CACNA2D1: variants seen among roughly 807,000 people sequenced by gnomAD.
CACNA2D1 encodes the protein voltage-dependent calcium channel subunit alpha-2/delta-1.
Under a neutral mutation model 171.5 loss-of-function variants are expected in CACNA2D1, and 53 were observed. The ratio of observed to expected loss-of-function variants is 0.31; its 90% CI spans 0.25 to 0.39. CACNA2D1 has a LOEUF of 0.39. Ranked by LOEUF, CACNA2D1 falls within the 10% of genes least tolerant of loss-of-function variation. CACNA2D1 has a pLI of 1.00. For missense variants in CACNA2D1, 903 were observed against 1,299.8 expected (o/e 0.69, Z 4.69); for synonymous variants, 442 against 443.1 (o/e 1.00, Z 0.03).
chr7:81,953,424 T>TAACA (rs753987459), intron 38 of CACNA2D1, among the ~76,000 whole-genome samples: 8 of 152,124 alleles, frequency 5.3e-5, no homozygotes, highest in Non-Finnish European at 8.8e-5. Flanking sequence ...TCTGCTTCAG[T>TAACA]AACACTGGCT....
intron 6 of CACNA2D1, among the ~76,000 whole-genome samples, chr7:82,089,231 A>G (rs1005134342): frequency 1.3e-5 from 2 of 152,144 alleles, no homozygotes; most frequent in South Asian, 2.1e-4. Context: ...TTAGAAGTAC[A>G]TGAGTGTTCA....
intron 6 of CACNA2D1, among the ~76,000 whole-genome samples, chr7:82,090,276 AG>A (rs1810996614): frequency 6.6e-6 from 1 of 152,122 alleles, no homozygotes; most frequent in South Asian, 2.1e-4. Context: ...TTTCTAATAA[AG>A]CAGATTTATG....
chr7:82,289,846 A>C (rs973794313), intron 3 of CACNA2D1, among the ~76,000 whole-genome samples: 5 of 152,252 alleles, frequency 3.3e-5, no homozygotes, highest in African/African-American at 1.2e-4. Context: ...TGTTGAATGA[A>C]TAACCTTATC....
At chr7:82,189,572 T>C in intron 3 of CACNA2D1, among the ~76,000 whole-genome samples, 1 of 151,812 alleles carries the variant, frequency 6.6e-6, no homozygotes. Context: ...TACTAGAAAA[T>C]GAAAAATTTT....
At chr7:82,202,328 G>A (rs1446801896) in intron 3 of CACNA2D1, among the ~76,000 whole-genome samples, 9 of 152,112 alleles carry the variant, frequency 5.9e-5, no homozygotes. Context: ...ACTCCCCTCG[G>A]TCCTCAGCTT....
rs907830805 is a variant in CACNA2D1, at chr7:81,964,821, G to C, written c.2575-462C>G. Among the ~76,000 whole-genome samples the C allele has an allele frequency of 9.2e-5, 14 of 151,914 alleles. 1 individual carries two copies. In the South Asian group the frequency reaches 2.9e-3, roughly 31 times the overall value. ...AGTCTTCTTACCATACCGCAAAAAA[G>C]GTTAACAACCTGAGATGATGGATAT... is the stretch of plus-strand genomic sequence containing the variant. On this transcript the variant is annotated intron_variant, in intron 32 of 38. Coordinates refer to ENST00000356860, the MANE Select transcript of CACNA2D1 (RefSeq NM_000722.4).
chr7:82,232,201 A>G (rs767539539), intron 3 of CACNA2D1, among the ~76,000 whole-genome samples: 41 of 152,202 alleles, frequency 2.7e-4, no homozygotes, highest in Non-Finnish European at 5.4e-4. Flanking sequence ...TTACAAATTT[A>G]AATAGTCAGA....
chr7:82,359,548 A>G (rs1382602777), intron 1 of CACNA2D1, among the ~76,000 whole-genome samples: 1 of 152,122 alleles, frequency 6.6e-6, no homozygotes, highest in African/African-American at 2.4e-5. Flanking sequence ...CTCTTTAAAT[A>G]CGTTTTCTTT....
chr7:82,081,405 C>T (rs1223071896), intron 7 of CACNA2D1, among the ~76,000 whole-genome samples: 13 of 152,168 alleles, frequency 8.5e-5, no homozygotes, highest in Admixed American at 7.9e-4. Flanking sequence ...GACATTGTCT[C>T]AATGTCTTTA....
intron 5 of CACNA2D1, among the ~76,000 whole-genome samples, 165 bp downstream of exon 5, chr7:82,136,470 T>TA (rs1344217296): frequency 1.3e-5 from 2 of 151,932 alleles, no homozygotes; most frequent in Non-Finnish European, 2.9e-5. Context: ...AATAAGTTGT[T>TA]AAAAATCACA....
At chr7:82,217,830 T>A (rs1351303679) in intron 3 of CACNA2D1, among the ~76,000 whole-genome samples, 1 of 151,782 alleles carries the variant, frequency 6.6e-6, no homozygotes, top group East Asian at 1.9e-4. Flanking sequence ...GTCACCATCA[T>A]CATCAGTGAC....
At chr7:82,357,708 T>C (rs1820597713) in intron 1 of CACNA2D1, among the ~76,000 whole-genome samples, 1 of 131,992 alleles carries the variant, frequency 7.6e-6, no homozygotes, top group African/African-American at 2.8e-5. Context: ...AGAGGGCTTG[T>C]TGTGGGGTGG....
intron 3 of CACNA2D1, among the ~76,000 whole-genome samples, chr7:82,285,231 C>T (rs897253811): frequency 6.6e-6 from 1 of 152,082 alleles, no homozygotes; most frequent in African/African-American, 2.4e-5. Context: ...GAGAGACTTC[C>T]TCGCTCTTGC....
rs952619817 is a variant in CACNA2D1, at chr7:81,968,875, A to C, written c.2395+12T>G. 1 of 1,306,458 alleles carries C rather than the reference A, an allele frequency of 7.7e-7. No homozygotes were observed. Among genetic ancestry groups the C allele is most frequent in the Admixed American group, 1.7e-5 (1 of 59,160 alleles). The allele number at this position is 1,306,458 out of a possible 1,614,324, so 80.9% of individuals were successfully genotyped here. ...TTTTGATTGTGTTTTTGTATTTAATATTTATCCTTACCTGCAGGTTTAAGA... is the reference window on the plus strand; with the variant it reads ...TTTTGATTGTGTTTTTGTATTTAATCTTTATCCTTACCTGCAGGTTTAAGA... On this transcript the variant is annotated intron_variant, in intron 29 of 38. Coordinates refer to ENST00000356860, the MANE Select transcript of CACNA2D1 (RefSeq NM_000722.4).
chr7:82,116,949 G>T, intron 6 of CACNA2D1, 95 bp downstream of exon 6: 1 of 1,318,616 alleles, frequency 7.6e-7, no homozygotes, highest in Non-Finnish European at 1.1e-6. Context: ...ACAAAACAAT[G>T]TCACATTTGC....
In CACNA2D1 at chr7:82,443,743, C is replaced by T. The variant is rs1830689775; in HGVS notation, c.-284G>A. The T allele has an allele frequency of 6.6e-6, 8 of 1,205,514 alleles. No homozygotes were observed. In the East Asian group the frequency reaches 9.5e-5, roughly 14 times the overall value. 74.7% of individuals were successfully genotyped at this position (1,205,514 alleles called of 1,614,324 possible). On this transcript the variant is annotated 5_prime_UTR_variant, in exon 1 of 39. Transcript: ENST00000356860. Reference sequence around the variant, plus strand: ...ATCAAGGGCGACTTTGGAAACAGACCTCGGCGAGCCCGCCGGCGCTCGCGC... The same window carrying T: ...ATCAAGGGCGACTTTGGAAACAGACTTCGGCGAGCCCGCCGGCGCTCGCGC...
chr7:82,290,543 C>T (rs1471494611), intron 3 of CACNA2D1, among the ~76,000 whole-genome samples: 6 of 139,532 alleles, frequency 4.3e-5, no homozygotes, highest in African/African-American at 1.6e-4. Flanking sequence ...TATAGGTGTT[C>T]AATTTAAAAG....
At chr7:82,443,136 C>T (rs983564942) in intron 1 of CACNA2D1, among the ~76,000 whole-genome samples, 1 of 152,088 alleles carries the variant, frequency 6.6e-6, no homozygotes, top group Non-Finnish European at 1.5e-5. Flanking sequence ...GGACAGTCGG[C>T]CCCCAGTGCC....
chr7:82,103,673 A>G (rs1331105496), intron 6 of CACNA2D1, among the ~76,000 whole-genome samples: 1 of 152,012 alleles, frequency 6.6e-6, no homozygotes, highest in Non-Finnish European at 1.5e-5. Context: ...GTATATACAT[A>G]TTCAGATTTT....
Sources: allele counts gnomAD v4.1 joint callset (sites outside exome capture counted in the v4.1 genomes callset), GRCh38; gene constraint gnomAD v4.1.1; transcripts MANE v1.5; gene names NCBI Gene and HGNC (gene_info 2026-07-23, HGNC 2026-07-21).